Variants in FGFR4 observed in about 807,000 individuals in gnomAD.
The protein encoded by FGFR4 is hydroxyaryl-protein kinase.
In FGFR4, 63 loss-of-function variants were observed where a neutral mutation model predicts 89.9. That is an observed-to-expected ratio of 0.70 (90% CI 0.57 to 0.86). FGFR4 has a LOEUF of 0.86. FGFR4 is among the 40% of genes least tolerant of loss of function. FGFR4 has a pLI of 0.00. For synonymous variants in FGFR4, 486 were observed against 479.4 expected (o/e 1.01, Z -0.18); for missense variants, 928 against 1,106.7 (o/e 0.84, Z 2.29).
rs572098218 is a variant in FGFR4 at position 177,090,458 on chromosome 5, C to T, written c.160C>T (p.Arg54Cys). Reference protein sequence around the residue: ...ELTVALGQPVRLCCGRAERGG... With the variant: ...ELTVALGQPVCLCCGRAERGG... ...GACAGTAGCCCTTGGGCAGCCTGTG[C>T]GTCTGTGCTGTGGGCGGGCTGAGCG... is the stretch of plus-strand genomic sequence containing the variant. Residue 54 changes from arginine (R) to cysteine (C), a missense_variant, in exon 3 of 18, where the codon CGT becomes TGT. Arg to Cys is a radical substitution (Grantham distance 180). Around this residue, in one of 5 missense-constraint regions of FGFR4, gnomAD observed 741 missense variants for 836.9 expected, o/e 0.89. Coordinates refer to ENST00000292408, the MANE Select transcript of FGFR4 (RefSeq NM_213647.3). The T allele has an allele frequency of 3.1e-6, 5 of 1,603,268 alleles. No homozygotes were observed. Among genetic ancestry groups the T allele is most frequent in the Admixed American group, 3.4e-5 (2 of 59,656 alleles).
At position 177,091,639 on chromosome 5, in the gene FGFR4, T is replaced by C. The variant is rs752687176; in HGVS notation, c.604-46T>C. On this transcript the variant is annotated intron_variant, in intron 5 of 17. Coordinates refer to ENST00000292408, the MANE Select transcript of FGFR4 (RefSeq NM_213647.3). ...CTAGCCTCCTGGTCCTCTGGCCCCC[T>C]TGGTGGACATGGTCCGGTGGTCCCG... 8.7e-6 allele frequency: 14 copies of C among 1,608,496 alleles called. No homozygotes were observed. In the South Asian group the frequency reaches 1.4e-4, roughly 16 times the overall value.
rs866074107 is a variant in FGFR4, at chr5:177,095,922, C to A, written c.1822-135C>A. The A allele has an allele frequency of 1.1e-4, 143 of 1,351,114 alleles. No individual in the cohort carries two copies. In the Middle Eastern group the frequency reaches 1.6e-3, roughly 15 times the overall value. 83.7% of individuals were successfully genotyped at this position (1,351,114 alleles called of 1,614,324 possible). A position where few individuals can be genotyped will look rare whatever the true frequency, so the allele number is the denominator to read the frequency against. Reference sequence around the variant, plus strand: ...GGGAGAGGGGACGCAGGAGAAGGCACTCCCCGTTTCTAAACCTTGACCTCC... The same window carrying A: ...GGGAGAGGGGACGCAGGAGAAGGCAATCCCCGTTTCTAAACCTTGACCTCC... On this transcript the variant is annotated intron_variant, in intron 13 of 17. Transcript: ENST00000292408. This position sits in a 1 kb window ranked among gnomAD's most constrained non-coding sequence, Gnocchi z 5.7.
At position 177,092,629 on chromosome 5, in the gene FGFR4, C is replaced by T. The variant is rs777296832; in HGVS notation, c.919-17C>T. ...CCCAGGCCCTGCTGTGACCCCAGAG[C>T]ATGTCCCCCACCCCAGACTGCAGAC... On this transcript the variant is annotated splice_polypyrimidine_tract_variant and intron_variant, in intron 7 of 17. Coordinates refer to ENST00000292408, the MANE Select transcript of FGFR4 (RefSeq NM_213647.3). 25 of 1,594,148 alleles carry T rather than the reference C, an allele frequency of 1.6e-5. No individual in the cohort carries two copies. The highest frequency in any genetic ancestry group is 2.7e-5 in the African/African-American group (2 of 74,692).
Position 177,091,793 on chromosome 5 carries a change from C to A in FGFR4, c.712C>A (p.Leu238Met). 6.2e-7 allele frequency: 1 copy of A among 1,614,162 alleles called. No individual in the cohort carries two copies. Among genetic ancestry groups the A allele is most frequent in the Non-Finnish European group, 8.5e-7 (1 of 1,180,016 alleles). Residue 238 changes from leucine to methionine, a missense_variant, in exon 6 of 18, where the codon CTG becomes ATG. By Grantham distance (15) the Leu-to-Met change is conservative. Around this residue, in one of 5 missense-constraint regions of FGFR4, gnomAD observed 741 missense variants for 836.9 expected, o/e 0.89. Transcript: ENST00000292408. Reference sequence around the variant, plus strand: ...TGTGGGCAGCATCCGCTATAACTACCTGCTAGATGTGCTGGGTGAGCGCGG... The same window carrying A: ...TGTGGGCAGCATCCGCTATAACTACATGCTAGATGTGCTGGGTGAGCGCGG... ...NAVGSIRYNY[L>M]LDVLERSPHR...
At chr5:177,096,227 C>G (rs2149738701) in intron 14 of FGFR4, 48 bp downstream of exon 14, 2 of 1,613,078 alleles carry the variant, frequency 1.2e-6, no homozygotes, top group Non-Finnish European at 1.7e-6. Context: ...GGCACTGGGC[C>G]CGGGGTGGCA....
chr5:177,093,112 CTG>C lies in FGFR4; in HGVS notation c.1058-18_1058-17del. ...TCTCACCACTGACCAGTTTGTCTGT[CTG>C]TGTGTGTCCATGTGCGAGGGCAGAG... is the stretch of plus-strand genomic sequence containing the variant. On this transcript the variant is annotated intron_variant, in intron 8 of 17. Coordinates refer to ENST00000292408, the MANE Select transcript of FGFR4 (RefSeq NM_213647.3). The surrounding 1 kb of genome is among the most constrained non-coding windows in gnomAD (Gnocchi z 5.8). 6.2e-7 allele frequency: 1 copy of C among 1,613,908 alleles called. No individual in the cohort carries two copies. The highest frequency in any genetic ancestry group is 1.7e-5 in the Admixed American group (1 of 60,022).
rs943291165 is a variant in FGFR4 at position 177,097,655 on chromosome 5, C to T, written c.2388C>T (p.Phe796=). The change falls in exon 18 of 18, where the codon TTC becomes TTT. Residue 796 remains phenylalanine, a synonymous_variant. Transcript: ENST00000292408. ...PLPLGSSSFP[F]GSGVQT is the part of the protein sequence containing the mutation. The stretch of plus-strand genomic sequence containing the variant: ...CATTGGGATCCAGCTCCTTCCCCTT[C>T]GGGTCTGGGGTGCAGACATGAGCAA... 13 of 1,614,046 alleles carry T rather than the reference C, an allele frequency of 8.1e-6. No individual in the cohort carries two copies. The highest frequency in any genetic ancestry group is 2.7e-5 in the African/African-American group (2 of 74,956).
Position 177,093,721 on chromosome 5 carries a change from A to G in FGFR4, c.1465A>G (p.Met489Val). Residue 489 changes from methionine to valine, a missense_variant, in exon 11 of 18, where the codon ATG becomes GTG. This residue lies in a region of FGFR4 where 741 missense variants were observed against 836.9 expected (regional missense o/e 0.89). Transcript: ENST00000292408. This position sits in a 1 kb window ranked among gnomAD's most constrained non-coding sequence, Gnocchi z 5.8. Reference sequence around the variant, plus strand: ...GGTAGTACGTGCAGAGGCCTTTGGCATGGACCCTGCCCGGCCTGACCAAGC... The same window carrying G: ...GGTAGTACGTGCAGAGGCCTTTGGCGTGGACCCTGCCCGGCCTGACCAAGC... Reference protein sequence around the residue: ...GQVVRAEAFGMDPARPDQAST... With the variant: ...GQVVRAEAFGVDPARPDQAST... The G allele has an allele frequency of 6.2e-7, 1 of 1,614,070 alleles. No individual in the cohort carries two copies. Among genetic ancestry groups the G allele is most frequent in the Non-Finnish European group, 8.5e-7 (1 of 1,180,014 alleles).
rs1009417056 is a variant in FGFR4, at chr5:177,095,971, C to T, written c.1822-86C>T. 2.6e-6 allele frequency: 4 copies of T among 1,520,364 alleles called. No individual in the cohort carries two copies. The highest frequency in any genetic ancestry group is 2.6e-6 in the Non-Finnish European group (3 of 1,132,736). 94.2% of individuals were successfully genotyped at this position (1,520,364 alleles called of 1,614,324 possible). A position where few individuals can be genotyped will look rare whatever the true frequency, so the allele number is the denominator to read the frequency against. ...CCTCCTCTGTAAAGTGGGTGGAGGG[C>T]CCCTGCCCCCGGGCCTGCTGGGGGG... On this transcript the variant is annotated intron_variant, in intron 13 of 17. Coordinates refer to ENST00000292408, the MANE Select transcript of FGFR4 (RefSeq NM_213647.3). This position sits in a 1 kb window ranked among gnomAD's most constrained non-coding sequence, Gnocchi z 5.7.
At chr5:177,096,802 A>G (rs899571568) in intron 16 of FGFR4, 61 bp downstream of exon 16, 8 of 1,514,276 alleles carry the variant, frequency 5.3e-6, no homozygotes, top group South Asian at 2.6e-5. Flanking sequence ...TGCCCTGACC[A>G]TGGCCTCAGG....
chr5:177,092,478 A>T lies in FGFR4; in HGVS notation c.885A>T (p.Gly295=). ...TCGTCATCAACGGCAGCAGCTTCGG[A>T]GCCGACGGTTTCCCCTATGTGCAAG... The part of the protein sequence containing the change: ...KHIVINGSSF[G]ADGFPYVQVL... The change falls in exon 7 of 18, where the codon GGA becomes GGT. Residue 295 remains glycine (G), a synonymous_variant. Coordinates refer to ENST00000292408, the MANE Select transcript of FGFR4 (RefSeq NM_213647.3). The T allele has an allele frequency of 6.3e-7, 1 of 1,594,142 alleles. No individual in the cohort carries two copies. The highest frequency in any genetic ancestry group is 8.5e-7 in the Non-Finnish European group (1 of 1,169,848).
Position 177,093,039 on chromosome 5 carries a change from T to G in FGFR4, c.1058-99T>G. 1.3e-6 allele frequency: 2 copies of G among 1,490,304 alleles called. No individual in the cohort carries two copies. Among genetic ancestry groups the G allele is most frequent in the Non-Finnish European group, 1.9e-6 (2 of 1,074,824 alleles). The allele number at this position is 1,490,304 out of a possible 1,614,324, so 92.3% of individuals were successfully genotyped here. ...AGCTTCCTCCGTGTGTGTCCCCACA[T>G]ATGTTGGGAGCTGGGAGGGACTGAG... On this transcript the variant is annotated intron_variant, in intron 8 of 17. Transcript: ENST00000292408. This position sits in a 1 kb window ranked among gnomAD's most constrained non-coding sequence, Gnocchi z 5.8.
At position 177,095,468 on chromosome 5, in the gene FGFR4, G is replaced by C; in HGVS notation, c.1630+28G>C. The C allele has an allele frequency of 6.2e-7, 1 of 1,613,620 alleles. No individual in the cohort carries two copies. Among genetic ancestry groups the C allele is most frequent in the Non-Finnish European group, 8.5e-7 (1 of 1,179,652 alleles). ...GGGGCCGAGGCGGGGCTGGCTGCAC[G>C]GGCCGTTAGGGTGCAGAGCCAAAGC... On this transcript the variant is annotated intron_variant, in intron 12 of 17. Transcript: ENST00000292408. The surrounding 1 kb of genome is among the most constrained non-coding windows in gnomAD (Gnocchi z 5.7).
intron 4 of FGFR4, 26 bp from the exon 5 acceptor site, chr5:177,090,912 T>G (rs1356532182): frequency 1.2e-6 from 2 of 1,613,950 alleles, no homozygotes; most frequent in Non-Finnish European, 1.7e-6. Flanking sequence ...ACACGGTCAT[T>G]CTAGGGGCCT....
intron 11 of FGFR4, among the ~76,000 whole-genome samples, chr5:177,094,001 T>C (rs1436870962): frequency 1.3e-5 from 2 of 151,678 alleles, no homozygotes; most frequent in African/African-American, 2.4e-5. Flanking sequence ...AATCCAGGAG[T>C]TGGAGGTTGC....
Position 177,087,510 on chromosome 5 carries a change from T to G in FGFR4, c.-54+433T>G, listed in dbSNP as rs1784192835. ...GGCCTCCAGCGCGAGTGCGGGAGGC[T>G]GAAGGAGAACCCAGGACTGTCTGAT... On this transcript the variant is annotated intron_variant, in intron 1 of 17. Transcript: ENST00000292408. The surrounding 1 kb of genome is among the most constrained non-coding windows in gnomAD (Gnocchi z 6.1). 1.1e-6 allele frequency: 1 copy of G among 927,720 alleles called. No individual in the cohort carries two copies. The highest frequency in any genetic ancestry group is 6.2e-5 in the Admixed American group (1 of 16,190). 57.5% of individuals were successfully genotyped at this position (927,720 alleles called of 1,614,324 possible).
At position 177,090,629 on chromosome 5, in the gene FGFR4, C is replaced by T. The variant is rs201049126; in HGVS notation, c.331C>T (p.Gln111Ter). 14 of 1,522,334 alleles carry T rather than the reference C, an allele frequency of 9.2e-6. No homozygotes were observed. The East Asian group carries it at 2.7e-4, about 30-fold the overall frequency. 94.3% of individuals were successfully genotyped at this position (1,522,334 alleles called of 1,614,324 possible). A position where few individuals can be genotyped will look rare whatever the true frequency, so the allele number is the denominator to read the frequency against. Residue 111 changes from glutamine (Q) to a stop codon, truncating the protein, a stop_gained, in exon 3 of 18, where the codon CAG becomes TAG. Coordinates refer to ENST00000292408, the MANE Select transcript of FGFR4 (RefSeq NM_213647.3). LOFTEE classifies it high-confidence loss of function. ...CLARGSMIVLQNLTLITGDSL... is the reference protein window; with the variant it reads ...CLARGSMIVL ...GGCACGAGGCTCCATGATCGTCCTG[C>T]AGAATCTCACCTTGATTACAGGTGG...
In FGFR4 at chr5:177,092,497, G is replaced by A. The variant is rs1349931289; in HGVS notation, c.904G>A (p.Val302Met). Residue 302 changes from valine to methionine, a missense_variant, in exon 7 of 18, where the codon GTG (valine) becomes ATG (methionine). By Grantham distance (21) the Val-to-Met change is conservative (BLOSUM62 1). Transcript: ENST00000292408. ...CTTCGGAGCCGACGGTTTCCCCTAT[G>A]TGCAAGTCCTAAAGGTAAAAGGTGC... ...SSFGADGFPY[V>M]QVLKTADINS... 2.5e-6 allele frequency: 4 copies of A among 1,587,918 alleles called. No homozygotes were observed. The African/African-American group carries it at 4.0e-5, about 16-fold the overall frequency.
In FGFR4 at chr5:177,092,251, T is replaced by C; in HGVS notation, c.728-70T>C. 2.8e-6 allele frequency: 4 copies of C among 1,453,660 alleles called. No homozygotes were observed. In the South Asian group the frequency reaches 5.8e-5, roughly 21 times the overall value. The allele number at this position is 1,453,660 out of a possible 1,614,324, so 90.0% of individuals were successfully genotyped here. A position where few individuals can be genotyped will look rare whatever the true frequency, so the allele number is the denominator to read the frequency against. ...TCCCTCCCTTGAACTTGAGGAAGGC[T>C]GGAGGGAGGCAAACAGGGTGCTTCT... On this transcript the variant is annotated intron_variant, in intron 6 of 17. Coordinates refer to ENST00000292408, the MANE Select transcript of FGFR4 (RefSeq NM_213647.3).
Sources: gnomAD v4.1 joint callset for allele counts (sites outside exome capture counted in the v4.1 genomes callset) on GRCh38, gnomAD v4.1.1 for gene constraint, gnomAD v4.1.1 regional missense constraint, Gnocchi (gnomAD v3.1) non-coding constraint, MANE v1.5 for transcripts, NCBI Gene and HGNC (gene_info 2026-07-23, HGNC 2026-07-21) for gene names.